FRMD5: variants seen among roughly 807,000 people sequenced by gnomAD.
The protein encoded by FRMD5 is FERM domain containing 5, also known as FERM domain-containing protein 5.
A neutral mutation model predicts 69.0 loss-of-function variants in FRMD5; 20 were observed. That is an observed-to-expected ratio of 0.29 (90% CI 0.20 to 0.42). The LOEUF (loss-of-function observed/expected upper bound fraction) is 0.42. FRMD5 is among the 10% of genes least tolerant of loss of function. The pLI is 1.00. For missense variants in FRMD5, 595 were observed against 708.6 expected, an observed-to-expected ratio of 0.84 and a Z score of 1.82; for synonymous variants, 271 against 260.1, an observed-to-expected ratio of 1.04 and a Z score of -0.40.
intron 1 of FRMD5, among the ~76,000 whole-genome samples, chr15:44,024,643 A>AT (rs1891353820): frequency 6.6e-6 from 1 of 152,170 alleles, no homozygotes; most frequent in Non-Finnish European, 1.5e-5. Flanking sequence ...GAATTGGTTC[A>AT]TTTTTTAAAA....
intron 1 of FRMD5, among the ~76,000 whole-genome samples, chr15:44,113,904 T>C (rs1278732002): frequency 1.3e-5 from 2 of 152,182 alleles, no homozygotes; most frequent in Non-Finnish European, 2.9e-5. Context: ...CTATGAAATA[T>C]TAAACAAACA....
chr15:44,127,913 T>G (rs1359205693), intron 1 of FRMD5, among the ~76,000 whole-genome samples: 3 of 152,078 alleles, frequency 2.0e-5, no homozygotes, highest in Non-Finnish European at 4.4e-5. Context: ...TCGATAATAT[T>G]CTAAGATAAC....
At chr15:43,975,184 A>G (rs1472153612) in intron 1 of FRMD5, among the ~76,000 whole-genome samples, 1 of 152,238 alleles carries the variant, frequency 6.6e-6, no homozygotes, top group East Asian at 1.9e-4. Flanking sequence ...AGAGTTCTCA[A>G]AAGTCATCTA....
At chr15:43,988,819 T>C (rs542247396) in intron 1 of FRMD5, among the ~76,000 whole-genome samples, 1 of 152,162 alleles carries the variant, frequency 6.6e-6, no homozygotes, top group African/African-American at 2.4e-5. Flanking sequence ...TCACGATATT[T>C]GGAATGACTA....
In FRMD5 at chr15:43,905,808, C is replaced by T. The variant is rs759643743; in HGVS notation, c.551+20G>A. The stretch of plus-strand genomic sequence containing the variant: ...TGTGGAGAAGCCACAATGTTCTGGG[C>T]CTGATTAAGTGCCACGTACCTCAGT... On this transcript the variant is annotated intron_variant, in intron 6 of 13. Coordinates refer to ENST00000417257, the MANE Select transcript of FRMD5 (RefSeq NM_032892.5). 1.2e-6 allele frequency: 2 copies of T among 1,613,318 alleles called. No individual in the cohort carries two copies. Among genetic ancestry groups the T allele is most frequent in the African/African-American group, 2.7e-5 (2 of 74,904 alleles).
At chr15:44,017,669 G>A (rs1455309332) in intron 1 of FRMD5, among the ~76,000 whole-genome samples, 3 of 148,760 alleles carry the variant, frequency 2.0e-5, no homozygotes, top group African/African-American at 5.0e-5. Flanking sequence ...TGCATGGTGC[G>A]ATCTCGGCTC....
In FRMD5 at chr15:44,025,820, C is replaced by T. The variant is rs541353200; in HGVS notation, c.103-101511G>A. On this transcript the variant is annotated intron_variant, in intron 1 of 13. Coordinates refer to ENST00000417257, the MANE Select transcript of FRMD5 (RefSeq NM_032892.5). ...CCAGGCTTGGTGGCTGCTCACTTAC[C>T]GCCTTTCTGGGAATCAGCAACATAT... is the stretch of plus-strand genomic sequence containing the variant. Among the ~76,000 whole-genome samples the T allele has an allele frequency of 1.1e-4, 16 of 152,298 alleles. No individual in the cohort carries two copies. The South Asian group carries it at 3.3e-3, about 32-fold the overall frequency.
At chr15:44,178,294 C>T (rs900830843) in intron 1 of FRMD5, among the ~76,000 whole-genome samples, 7 of 152,010 alleles carry the variant, frequency 4.6e-5, no homozygotes, top group African/African-American at 7.2e-5. Context: ...CACTGCACTC[C>T]AGCCTGGGTT....
chr15:44,082,541 T>C (rs971321381), intron 1 of FRMD5, among the ~76,000 whole-genome samples: 1 of 151,998 alleles, frequency 6.6e-6, no homozygotes, highest in African/African-American at 2.4e-5. Flanking sequence ...TCCCTTGTTT[T>C]ATATGCCAAG....
chr15:44,172,666 T>C (rs1203185246), intron 1 of FRMD5, among the ~76,000 whole-genome samples: 2 of 152,154 alleles, frequency 1.3e-5, no homozygotes, highest in Non-Finnish European at 2.9e-5. Flanking sequence ...CTCCCAAGAA[T>C]GAAACAGTAC....
At chr15:43,943,432 T>C (rs1299858398) in intron 1 of FRMD5, among the ~76,000 whole-genome samples, 1 of 152,178 alleles carries the variant, frequency 6.6e-6, no homozygotes, top group Non-Finnish European at 1.5e-5. Flanking sequence ...CTGTAAGACC[T>C]TGGATATTTC....
At chr15:44,028,279 T>C (rs1036025108) in intron 1 of FRMD5, among the ~76,000 whole-genome samples, 2 of 152,200 alleles carry the variant, frequency 1.3e-5, no homozygotes, top group African/African-American at 4.8e-5. Flanking sequence ...ATAACTGCCA[T>C]GCTAGGTCTA....
At chr15:43,886,076 A>T (rs1397881518) in intron 10 of FRMD5, among the ~76,000 whole-genome samples, 4 of 152,226 alleles carry the variant, frequency 2.6e-5, no homozygotes, top group African/African-American at 9.6e-5. Flanking sequence ...GGGGAATAAT[A>T]GAATGCCCAT....
chr15:44,197,686 AAAAAAAAAAAAAG>A (rs1458978241), upstream of FRMD5, among the ~76,000 whole-genome samples: 4 of 151,516 alleles, frequency 2.6e-5, no homozygotes, highest in South Asian at 2.1e-4. Flanking sequence ...CTCAAAAAAA[AAAAAAAAAAAAAG>A]AAAGAAAGGA....
chr15:43,920,127 G>C (rs539902591), intron 2 of FRMD5, among the ~76,000 whole-genome samples: 1 of 152,372 alleles, frequency 6.6e-6, no homozygotes, highest in South Asian at 2.1e-4. Context: ...GCGACTGCAT[G>C]TATGTGTGGC....
chr15:44,199,184 C>T (rs1020810596), upstream of FRMD5, among the ~76,000 whole-genome samples: 1 of 152,110 alleles, frequency 6.6e-6, no homozygotes, highest in Admixed American at 6.5e-5. Flanking sequence ...AGGCCCTTCC[C>T]ATCAAAGTTT....
At chr15:44,002,361 G>T (rs535700004) in intron 1 of FRMD5, among the ~76,000 whole-genome samples, 1 of 152,148 alleles carries the variant, frequency 6.6e-6, no homozygotes, top group East Asian at 1.9e-4. Flanking sequence ...AAAAACCATG[G>T]GTTTACACTA....
At chr15:44,186,887 C>A (rs1037395937) in intron 1 of FRMD5, among the ~76,000 whole-genome samples, 1 of 152,168 alleles carries the variant, frequency 6.6e-6, no homozygotes, top group Non-Finnish European at 1.5e-5. Flanking sequence ...AAAAGTACAC[C>A]CTGTATAAGG....
At chr15:43,874,541 T>G in intron 13 of FRMD5, 79 bp from the exon 14 acceptor site, 1 of 1,057,888 alleles carries the variant, frequency 9.5e-7, no homozygotes, top group Non-Finnish European at 1.4e-6. Flanking sequence ...TGTGTTTTAT[T>G]GGGTACCATT....
Sources: allele counts gnomAD v4.1 joint callset (sites outside exome capture counted in the v4.1 genomes callset), GRCh38; gene constraint gnomAD v4.1.1; transcripts MANE v1.5; gene names NCBI Gene and HGNC (gene_info 2026-07-23, HGNC 2026-07-21).